The following RAPGEF1 variants were observed in gnomAD, a reference collection of about 807,000 sequenced individuals.
RAPGEF1 encodes Rap guanine nucleotide exchange factor 1, also known as CRK SH3-binding GNRP.
Under a neutral mutation model 143.3 loss-of-function variants are expected in RAPGEF1, and 33 were observed. The ratio of observed to expected loss-of-function variants is 0.23; its 90% confidence interval spans 0.17 to 0.31. The LOEUF (loss-of-function observed/expected upper bound fraction) is 0.31. RAPGEF1 is among the 10% of genes least tolerant of loss of function. The pLI, the probability that RAPGEF1 is intolerant of heterozygous loss-of-function variation, is 1.00. For synonymous variants in RAPGEF1, 629 were observed against 676.5 expected, an observed-to-expected ratio of 0.93 and a Z score of 1.09; for missense variants, 1,199 against 1,645.4, an observed-to-expected ratio of 0.73 and a Z score of 4.69.
chr9:131,634,438 C>T (rs542587484), intron 5 of RAPGEF1, among the ~76,000 whole-genome samples: 54 of 152,096 alleles, frequency 3.6e-4, no homozygotes, highest in African/African-American at 1.2e-3. Flanking sequence ...ATAGGTCGGG[C>T]GCGGTGGTTC....
intron 5 of RAPGEF1, among the ~76,000 whole-genome samples, chr9:131,636,497 A>C (rs1966412736): frequency 6.6e-6 from 1 of 152,100 alleles, no homozygotes; most frequent in Non-Finnish European, 1.5e-5. Context: ...TCTACTAATG[A>C]AGTGGTGCTG....
Position 131,621,740 on chromosome 9 carries a change from T to G in RAPGEF1, c.1905+56A>C. 6.6e-7 allele frequency: 1 copy of G among 1,507,268 alleles called. No individual in the cohort carries two copies. Among genetic ancestry groups the G allele is most frequent in the Non-Finnish European group, 9.0e-7 (1 of 1,113,220 alleles). The allele number at this position is 1,507,268 out of a possible 1,614,324, so 93.4% of individuals were successfully genotyped here. The stretch of plus-strand genomic sequence containing the variant: ...CTGCCCCCAAGGAGGGTCATTCTGG[T>G]TCCTAGAGACCTGCTAGGATCGGAA... On this transcript the variant is annotated intron_variant, in intron 11 of 26. Coordinates refer to ENST00000683357, the MANE Select transcript of RAPGEF1 (RefSeq NM_001377935.1). This position sits in a 1 kb window ranked among gnomAD's most constrained non-coding sequence, Gnocchi z 4.5.
Position 131,582,529 on chromosome 9 carries a change from G to A in RAPGEF1, c.3512+76C>T, listed in dbSNP as rs1952028280. The A allele has an allele frequency of 6.4e-6, 7 of 1,088,734 alleles. No individual in the cohort carries two copies. The East Asian group carries it at 1.7e-4, about 27-fold the overall frequency. 67.4% of individuals were successfully genotyped at this position (1,088,734 alleles called of 1,614,324 possible). Reference sequence around the variant, plus strand: ...CCCCTAAATTAAGATTTCTCTGCTGGAGCCTGACAGATCTTCCCCAGAGCA... The same window carrying A: ...CCCCTAAATTAAGATTTCTCTGCTGAAGCCTGACAGATCTTCCCCAGAGCA... On this transcript the variant is annotated intron_variant, in intron 25 of 26. Coordinates refer to ENST00000683357, the MANE Select transcript of RAPGEF1 (RefSeq NM_001377935.1).
intron 12 of RAPGEF1, among the ~76,000 whole-genome samples, chr9:131,618,560 T>C (rs1959579391): frequency 6.6e-6 from 1 of 152,190 alleles, no homozygotes; most frequent in Non-Finnish European, 1.5e-5. Flanking sequence ...GTACCACCCA[T>C]CTACTCATCC....
intron 1 of RAPGEF1, among the ~76,000 whole-genome samples, chr9:131,730,110 C>T (rs531598327): frequency 2.8e-5 from 4 of 141,156 alleles, no homozygotes; most frequent in African/African-American, 7.8e-5. Context: ...AGGAGAATGG[C>T]GTGAACCCGG....
intron 1 of RAPGEF1, among the ~76,000 whole-genome samples, chr9:131,708,922 G>A (rs766800659): frequency 6.6e-6 from 1 of 152,100 alleles, no homozygotes; most frequent in Non-Finnish European, 1.5e-5. Context: ...TAGTAGAGAC[G>A]GGGTTTCGCC....
intron 1 of RAPGEF1, among the ~76,000 whole-genome samples, chr9:131,716,057 T>C (rs958142670): frequency 6.6e-6 from 1 of 152,112 alleles, no homozygotes; most frequent in Non-Finnish European, 1.5e-5. Context: ...TGTCAACAAC[T>C]ACATATGCTG....
intron 1 of RAPGEF1, among the ~76,000 whole-genome samples, chr9:131,695,284 G>T (rs1412843985): frequency 1.3e-5 from 2 of 152,156 alleles, no homozygotes; most frequent in African/African-American, 4.8e-5. Flanking sequence ...CCCCGCCAAT[G>T]ATTAGAATGC....
Position 131,619,083 on chromosome 9 carries a change from G to C in RAPGEF1, c.2029C>G (p.Leu677Val). The change falls in exon 12 of 27, where the codon CTC (leucine) becomes GTC (valine). Residue 677 changes from leucine to valine, a missense_variant. Physicochemically the swap from Leu to Val is conservative, Grantham distance 32. Coordinates refer to ENST00000683357, the MANE Select transcript of RAPGEF1 (RefSeq NM_001377935.1). ...ACGGGCAAGCTGCCGTGCCGGCTGA[G>C]AAAGGAGTTAGAGACGGACACACTG... ...GLSVSVSNSF[L>V]SRHGSLPVPS... 1 of 1,358,156 alleles carries C rather than the reference G, an allele frequency of 7.4e-7. No homozygotes were observed. The highest frequency in any genetic ancestry group is 9.8e-7 in the Non-Finnish European group (1 of 1,018,446). 84.1% of individuals were successfully genotyped at this position (1,358,156 alleles called of 1,614,324 possible).
At chr9:131,629,699 G>C (rs142649043) in intron 6 of RAPGEF1, among the ~76,000 whole-genome samples, 24 of 152,114 alleles carry the variant, frequency 1.6e-4, no homozygotes, top group African/African-American at 5.8e-4. Flanking sequence ...GCTGAGGCAA[G>C]AGAATTGCTC....
At position 131,667,019 on chromosome 9, in the gene RAPGEF1, C is replaced by T. The variant is rs1258125982; in HGVS notation, c.62-16070G>A. On this transcript the variant is annotated intron_variant, in intron 1 of 26. Coordinates refer to ENST00000683357, the MANE Select transcript of RAPGEF1 (RefSeq NM_001377935.1). This position sits in a 1 kb window ranked among gnomAD's most constrained non-coding sequence, Gnocchi z 4.6. ...GCATTCTTTTTTTTGGAGACAGAGT[C>T]TCACTCTGTCACCCAGGCGGAGTGC... 6.6e-6 allele frequency among the ~76,000 whole-genome samples: 1 copy of T among 152,076 alleles called. No individual in the cohort carries two copies. The highest frequency in any genetic ancestry group is 2.4e-5 in the African/African-American group (1 of 41,418).
At chr9:131,716,495 A>G (rs1276153363) in intron 1 of RAPGEF1, among the ~76,000 whole-genome samples, 1 of 152,206 alleles carries the variant, frequency 6.6e-6, no homozygotes, top group Non-Finnish European at 1.5e-5. Flanking sequence ...GCCAGGCACT[A>G]TGGCTCATGC....
chr9:131,610,240 C>T (rs1410884845), intron 12 of RAPGEF1, among the ~76,000 whole-genome samples: 1 of 152,208 alleles, frequency 6.6e-6, no homozygotes, highest in African/African-American at 2.4e-5. Flanking sequence ...CTCAATATAA[C>T]AGCCACTCCA....
intron 20 of RAPGEF1, 114 bp from the exon 21 acceptor site, chr9:131,588,140 C>G (rs1249227467): frequency 1.1e-6 from 1 of 911,872 alleles, no homozygotes; most frequent in Admixed American, 2.1e-5. Flanking sequence ...CCAGCAGGAG[C>G]GTGGAGGCTA....
chr9:131,726,252 A>G (rs1265046690), intron 1 of RAPGEF1, among the ~76,000 whole-genome samples: 1 of 152,192 alleles, frequency 6.6e-6, no homozygotes, highest in Non-Finnish European at 1.5e-5. Flanking sequence ...GTCAGTACAG[A>G]GTAAAAGGCC....
At chr9:131,738,982 C>T in intron 1 of RAPGEF1, among the ~76,000 whole-genome samples, 1 of 152,188 alleles carries the variant, frequency 6.6e-6, no homozygotes, top group East Asian at 1.9e-4. Flanking sequence ...CAGGAGCACC[C>T]GCCCACTTCA....
At chr9:131,738,128 C>T (rs1046027184) in intron 1 of RAPGEF1, among the ~76,000 whole-genome samples, 2 of 151,960 alleles carry the variant, frequency 1.3e-5, no homozygotes, top group African/African-American at 2.4e-5. Flanking sequence ...AGATGATTTC[C>T]AATCCGGTTC....
chr9:131,680,737 C>G (rs1485662737), intron 1 of RAPGEF1, among the ~76,000 whole-genome samples: 1 of 152,184 alleles, frequency 6.6e-6, no homozygotes. Context: ...TTAATAAACA[C>G]GTGGGTAAAT....
intron 12 of RAPGEF1, among the ~76,000 whole-genome samples, chr9:131,605,707 G>C (rs1957012601): frequency 6.6e-6 from 1 of 152,080 alleles, no homozygotes; most frequent in African/African-American, 2.4e-5. Context: ...CTATGGAAAT[G>C]CTAACGATGT....
Sources: allele counts gnomAD v4.1 joint callset (sites outside exome capture counted in the v4.1 genomes callset), GRCh38; gene constraint gnomAD v4.1.1; non-coding constraint Gnocchi (gnomAD v3.1); transcripts MANE v1.5; gene names NCBI Gene and HGNC (gene_info 2026-07-23, HGNC 2026-07-21).